GNAO1: variants seen among roughly 807,000 people sequenced by gnomAD.
GNAO1 encodes guanine nucleotide-binding protein G(o) subunit alpha.
For synonymous variants in GNAO1, 164 were observed against 180.7 expected (o/e 0.91, Z 0.74); for missense variants, 166 against 478.7 (o/e 0.35, Z 6.10).
chr16:56,231,094 G>A (rs1185128281), intron 2 of GNAO1, among the ~76,000 whole-genome samples: 4 of 152,218 alleles, frequency 2.6e-5, no homozygotes, highest in African/African-American at 9.6e-5. Flanking sequence ...GAATGAGGAT[G>A]TACAAGTCCC....
chr16:56,256,218 C>G (rs2036844873), intron 2 of GNAO1, among the ~76,000 whole-genome samples: 1 of 152,182 alleles, frequency 6.6e-6, no homozygotes, highest in African/African-American at 2.4e-5. Flanking sequence ...AGCCACCAGT[C>G]TACTCCTGAG....
At position 56,343,810 on chromosome 16, in the gene GNAO1, G is replaced by A. The variant is rs139959591; in HGVS notation, c.723+6950G>A. On this transcript the variant is annotated intron_variant, in intron 6 of 8. Transcript: ENST00000262493. The stretch of plus-strand genomic sequence containing the variant: ...CGTGGCTTACATCCAGGCCCAGTAC[G>A]AGAGCAAGAACAAGTCAGCCCACAA... The A allele has an allele frequency of 1.1e-4, 175 of 1,613,496 alleles. No homozygotes were observed. The highest frequency in any genetic ancestry group is 1.4e-4 in the Non-Finnish European group (160 of 1,179,798).
chr16:56,273,408 A>G (rs1411959598), intron 2 of GNAO1, among the ~76,000 whole-genome samples: 2 of 152,050 alleles, frequency 1.3e-5, no homozygotes, highest in Non-Finnish European at 2.9e-5. Flanking sequence ...TTTCCTCATT[A>G]TGTTCATAAT....
intron 2 of GNAO1, among the ~76,000 whole-genome samples, chr16:56,269,481 G>A (rs111674379): frequency 0.022 from 3,329 of 152,248 alleles, 75 homozygotes; most frequent in African/African-American, 0.046. Context: ...ATTGACTGCC[G>A]ACTGTGCTGG....
intron 2 of GNAO1, among the ~76,000 whole-genome samples, chr16:56,215,910 C>G (rs1178767229): frequency 6.6e-6 from 1 of 152,012 alleles, no homozygotes; most frequent in African/African-American, 2.4e-5. Flanking sequence ...AAGTGTATAC[C>G]CCCACTCTCT....
chr16:56,235,066 C>A, intron 2 of GNAO1: 1 of 327,748 alleles, frequency 3.1e-6, no homozygotes, highest in Admixed American at 4.1e-5. Context: ...GCAAAAGACA[C>A]CTATTCGCTG....
At chr16:56,211,999 T>A (rs950137092) in intron 2 of GNAO1, among the ~76,000 whole-genome samples, 1 of 152,208 alleles carries the variant, frequency 6.6e-6, no homozygotes, top group Admixed American at 6.5e-5. Flanking sequence ...AGGGACAAAC[T>A]GCAAACTTCA....
chr16:56,337,519 G>T (rs1261629287), intron 6 of GNAO1, among the ~76,000 whole-genome samples: 1 of 152,258 alleles, frequency 6.6e-6, no homozygotes, highest in Non-Finnish European at 1.5e-5. Flanking sequence ...TCAGTGAGGG[G>T]ACATTCCCCT....
chr16:56,238,955 CTG>C (rs2036668635), intron 2 of GNAO1, among the ~76,000 whole-genome samples: 2 of 152,252 alleles, frequency 1.3e-5, no homozygotes, highest in Admixed American at 6.5e-5. Flanking sequence ...TTTACTCTCA[CTG>C]TACACTCTGA....
At chr16:56,306,498 C>T (rs2037397819) in intron 3 of GNAO1, among the ~76,000 whole-genome samples, 1 of 152,212 alleles carries the variant, frequency 6.6e-6, no homozygotes, top group African/African-American at 2.4e-5. Context: ...TTATGACCAG[C>T]TGTCCCCAAG....
intron 2 of GNAO1, chr16:56,235,508 TCTC>T (rs2036629914): frequency 2.3e-6 from 1 of 439,454 alleles, no homozygotes; most frequent in Non-Finnish European, 4.5e-6. Context: ...CCTGGTCAGT[TCTC>T]CTCGACATCC....
intron 2 of GNAO1, among the ~76,000 whole-genome samples, chr16:56,200,894 C>A (rs184152684): frequency 6.6e-6 from 1 of 152,156 alleles, no homozygotes; most frequent in Non-Finnish European, 1.5e-5. Flanking sequence ...AAAATGGGGG[C>A]CATTTTCAGA....
At chr16:56,286,933 A>G (rs958647424) in intron 3 of GNAO1, among the ~76,000 whole-genome samples, 2 of 152,152 alleles carry the variant, frequency 1.3e-5, no homozygotes, top group East Asian at 1.9e-4. Flanking sequence ...TCTCCTTGCC[A>G]TTGGGGCTAC....
chr16:56,329,444 T>C (rs1432017680), intron 4 of GNAO1, among the ~76,000 whole-genome samples: 2 of 152,134 alleles, frequency 1.3e-5, no homozygotes, highest in Non-Finnish European at 2.9e-5. Context: ...TAGAAGGTGC[T>C]CCCGGCTCTT....
At chr16:56,352,284 C>A (rs1159681855) in intron 7 of GNAO1, 2 of 152,546 alleles carry the variant, frequency 1.3e-5, no homozygotes, top group Non-Finnish European at 2.9e-5. Context: ...GGCTCAATGA[C>A]GCTCTTTCCA....
chr16:56,237,280 A>G (rs559814040), intron 2 of GNAO1, among the ~76,000 whole-genome samples: 34 of 152,200 alleles, frequency 2.2e-4, no homozygotes, highest in Non-Finnish European at 4.6e-4. Flanking sequence ...CGTTAAACAG[A>G]TATTTGTTAA....
intron 2 of GNAO1, among the ~76,000 whole-genome samples, chr16:56,273,633 T>C (rs1805236273): frequency 6.6e-6 from 1 of 152,230 alleles, no homozygotes; most frequent in African/African-American, 2.4e-5. Context: ...TGTTCTCATG[T>C]AAAGACTGTT....
chr16:56,263,174 G>A (rs1194087128), intron 2 of GNAO1, among the ~76,000 whole-genome samples: 4 of 152,210 alleles, frequency 2.6e-5, no homozygotes, highest in African/African-American at 9.7e-5. Context: ...GGTGGAGATG[G>A]GATTGGCAGC....
intron 3 of GNAO1, among the ~76,000 whole-genome samples, chr16:56,295,844 C>T (rs1020309700): frequency 6.6e-6 from 1 of 152,246 alleles, no homozygotes; most frequent in African/African-American, 2.4e-5. Context: ...CCTGGGGCTC[C>T]TGGGTAGTTG....
Sources: gnomAD v4.1 joint callset for allele counts (sites outside exome capture counted in the v4.1 genomes callset) on GRCh38, gnomAD v4.1.1 for gene constraint, MANE v1.5 for transcripts, NCBI Gene and HGNC (gene_info 2026-07-23, HGNC 2026-07-21) for gene names.